The following DDX10 variants were observed in gnomAD, a reference collection of about 807,000 sequenced individuals.
DDX10 encodes probable ATP-dependent RNA helicase DDX10.
DDX10 carries 74 observed loss-of-function variants against 104.3 expected under a neutral mutation model. The ratio of observed to expected loss-of-function variants is 0.71; its 90% CI spans 0.59 to 0.86. The LOEUF (loss-of-function observed/expected upper bound fraction) is 0.86. DDX10 is among the 40% of genes least tolerant of loss of function. DDX10 has a pLI of 0.00. For synonymous variants in DDX10, 351 were observed against 353.4 expected (o/e 0.99, Z 0.08); for missense variants, 952 against 1,040.0 (o/e 0.92, Z 1.16).
intron 17 of DDX10, chr11:108,921,402 C>T (rs1235919692): frequency 6.6e-6 from 1 of 152,188 alleles, no homozygotes; most frequent in African/African-American, 2.4e-5. Flanking sequence ...AAGCATACAG[C>T]TTCCATCTGC....
chr11:108,727,362 C>T (rs1252692468), intron 13 of DDX10, among the ~76,000 whole-genome samples: 1 of 151,864 alleles, frequency 6.6e-6, no homozygotes, highest in East Asian at 1.9e-4. Context: ...ATATTTTTCC[C>T]TGTTATGATA....
At chr11:108,689,707 C>T (rs755904062) in intron 7 of DDX10, among the ~76,000 whole-genome samples, 7 of 152,162 alleles carry the variant, frequency 4.6e-5, no homozygotes, top group South Asian at 2.1e-4. Context: ...GAAGGGACTA[C>T]GGTCTTTGTG....
intron 13 of DDX10, among the ~76,000 whole-genome samples, chr11:108,765,682 C>T (rs765071823): frequency 5.9e-5 from 9 of 152,216 alleles, no homozygotes; most frequent in South Asian, 2.1e-4. Flanking sequence ...GACACTTGCT[C>T]ATGCACTTTT....
intron 16 of DDX10, chr11:108,868,249 A>G (rs1863032887): frequency 6.6e-6 from 1 of 152,082 alleles, no homozygotes; most frequent in Admixed American, 6.6e-5. Flanking sequence ...TCAGATGAGG[A>G]AAGGAGACTC....
rs560239195 is a variant in DDX10 at position 108,940,168 on chromosome 11, C to G, written c.2451-78C>G. 4.2e-6 allele frequency: 6 copies of G among 1,422,296 alleles called. 1 individual carries two copies. The Middle Eastern group carries it at 9.1e-4, about 215-fold the overall frequency. The allele number at this position is 1,422,296 out of a possible 1,614,324, so 88.1% of individuals were successfully genotyped here. On this transcript the variant is annotated intron_variant, in intron 17 of 17. Coordinates refer to ENST00000322536, the MANE Select transcript of DDX10 (RefSeq NM_004398.4). ...CTTGAATAATATCACTTTACCAACT[C>G]TCTGTTAATTTTGTCCTATTTTAAA...
chr11:108,928,339 A>G (rs1863934319), intron 17 of DDX10, among the ~76,000 whole-genome samples: 2 of 152,230 alleles, frequency 1.3e-5, no homozygotes, highest in Non-Finnish European at 2.9e-5. Flanking sequence ...TGATCCTGGC[A>G]GGGTGTTCTC....
Position 108,940,332 on chromosome 11 carries a change from C to T in DDX10, c.2537C>T (p.Ala846Val). Residue 846 changes from alanine (A) to valine (V), a missense_variant, in exon 18 of 18, where the codon GCC (alanine) becomes GTC (valine). Ala to Val is a moderately conservative substitution (Grantham distance 64). This residue lies in a region of DDX10 where 533 missense variants were observed against 534.1 expected (regional missense o/e 1.00). Coordinates refer to ENST00000322536, the MANE Select transcript of DDX10 (RefSeq NM_004398.4). ...CCAACAAGTCATAACAGAAAGAAGG[C>T]CAGGTGGGACACTTTAGAGCCTTTG... ...VGPTSHNRKK[A>V]RWDTLEPLDT... 2 of 1,613,956 alleles carry T rather than the reference C, an allele frequency of 1.2e-6. No individual in the cohort carries two copies. Among genetic ancestry groups the T allele is most frequent in the Non-Finnish European group, 1.7e-6 (2 of 1,180,004 alleles).
rs1862448952 is a variant in DDX10 at position 108,830,157 on chromosome 11, T to C, written c.1966-8289T>C. 2.0e-5 allele frequency among the ~76,000 whole-genome samples: 3 copies of C among 152,242 alleles called. No homozygotes were observed. In the South Asian group the frequency reaches 6.2e-4, roughly 31 times the overall value. On this transcript the variant is annotated intron_variant, in intron 13 of 17. Transcript: ENST00000322536. ...AATTTGTAGATTGCTTTTGACAGTA[T>C]GGTCATTTAAAAATATTGATTCTAC...
At chr11:108,731,407 T>A (rs528762452) in intron 13 of DDX10, among the ~76,000 whole-genome samples, 8 of 152,276 alleles carry the variant, frequency 5.3e-5, no homozygotes, top group East Asian at 1.9e-4. Context: ...TTTCGAATTT[T>A]AAAAATTAAT....
intron 16 of DDX10, among the ~76,000 whole-genome samples, chr11:108,870,671 C>T (rs1394527450): frequency 3.3e-5 from 5 of 152,230 alleles, no homozygotes. Flanking sequence ...GCAACCTCCT[C>T]TTATCCTGTA....
intron 13 of DDX10, among the ~76,000 whole-genome samples, chr11:108,768,741 T>A (rs2094359314): frequency 6.6e-6 from 1 of 152,212 alleles, no homozygotes; most frequent in African/African-American, 2.4e-5. Flanking sequence ...GTATTTTGGT[T>A]TTATTTTTTA....
chr11:108,771,695 T>C lies in DDX10; in HGVS notation c.1965+48233T>C, dbSNP rs2094363389. ...GTGGGGTCAGTGGGATGGTCTCTTA[T>C]TGTTTATCTAAATGAGTGTTGTATT... On this transcript the variant is annotated intron_variant, in intron 13 of 17. Transcript: ENST00000322536. Among the ~76,000 whole-genome samples the C allele has an allele frequency of 2.6e-5, 4 of 152,208 alleles. No homozygotes were observed. The South Asian group carries it at 8.3e-4, about 31-fold the overall frequency.
At chr11:108,719,579 C>A (rs1662942133) in intron 11 of DDX10, among the ~76,000 whole-genome samples, 1 of 152,112 alleles carries the variant, frequency 6.6e-6, no homozygotes, top group South Asian at 2.1e-4. Context: ...AGAAGATATT[C>A]TGGGTTAGGT....
chr11:108,928,510 G>A (rs1341322137), intron 17 of DDX10, among the ~76,000 whole-genome samples: 5 of 152,170 alleles, frequency 3.3e-5, no homozygotes, highest in African/African-American at 4.8e-5. Flanking sequence ...CTTTGCAACA[G>A]GGAAAGTAGT....
At chr11:108,774,609 T>A (rs552458276) in intron 13 of DDX10, among the ~76,000 whole-genome samples, 1 of 152,276 alleles carries the variant, frequency 6.6e-6, no homozygotes, top group Admixed American at 6.5e-5. Flanking sequence ...AGAACATTGT[T>A]TGGCATTTCT....
chr11:108,814,334 AT>A (rs537293474), intron 13 of DDX10, among the ~76,000 whole-genome samples: 1 of 151,914 alleles, frequency 6.6e-6, no homozygotes, highest in Non-Finnish European at 1.5e-5. Flanking sequence ...TAACCATGCC[AT>A]TTTTTTCATT....
chr11:108,855,407 C>T (rs1304328804), intron 16 of DDX10, among the ~76,000 whole-genome samples: 1 of 152,040 alleles, frequency 6.6e-6, no homozygotes, highest in Non-Finnish European at 1.5e-5. Context: ...GGAAATAGAT[C>T]CTCAGCAATA....
At position 108,851,279 on chromosome 11, in the gene DDX10, A is replaced by T. The variant is rs1862789315; in HGVS notation, c.2248-874A>T. 2.0e-5 allele frequency among the ~76,000 whole-genome samples: 3 copies of T among 152,202 alleles called. No individual in the cohort carries two copies. The South Asian group carries it at 6.2e-4, about 31-fold the overall frequency. On this transcript the variant is annotated intron_variant, in intron 15 of 17. Transcript: ENST00000322536. Reference sequence around the variant, plus strand: ...ACAAATACATGTATCCACAAGCTAAAGCCAGCTCAAATGAAGTGTTAGTTA... The same window carrying T: ...ACAAATACATGTATCCACAAGCTAATGCCAGCTCAAATGAAGTGTTAGTTA...
intron 15 of DDX10, among the ~76,000 whole-genome samples, chr11:108,850,626 A>C (rs1174668270): frequency 6.6e-6 from 1 of 152,188 alleles, no homozygotes; most frequent in Admixed American, 6.5e-5. Context: ...AAAAAATGCT[A>C]TCAGGATGAA....
Sources: allele counts gnomAD v4.1 joint callset (sites outside exome capture counted in the v4.1 genomes callset), GRCh38; gene constraint gnomAD v4.1.1; regional missense constraint gnomAD v4.1.1; transcripts MANE v1.5; gene names NCBI Gene and HGNC (gene_info 2026-07-23, HGNC 2026-07-21).